Variants in PRXL2B observed in about 807,000 individuals in gnomAD.
PRXL2B encodes peroxiredoxin like 2B.
PRXL2B carries 26 observed loss-of-function variants against 24.4 expected under a neutral mutation model. The observed-to-expected ratio is 1.07, with a 90% CI of 0.78 to 1.48. The LOEUF (loss-of-function observed/expected upper bound fraction) is 1.48. PRXL2B is among the 40% of genes most tolerant of loss of function. The pLI, the probability that PRXL2B is intolerant of heterozygous loss-of-function variation, is 0.00. For missense variants in PRXL2B, 269 were observed against 264.8 expected (o/e 1.02, Z -0.11); for synonymous variants, 115 against 118.9 (o/e 0.97, Z 0.21).
intron 3 of PRXL2B, 127 bp from the exon 4 acceptor site, chr1:2,588,263 C>A (rs1483748213): frequency 2.4e-6 from 3 of 1,239,718 alleles, no homozygotes; most frequent in Non-Finnish European, 2.2e-6. Context: ...CCTGTGCCAT[C>A]TCTGAGCCCT....
chr1:2,589,345 G>C, intron 6 of PRXL2B, 65 bp from the exon 7 acceptor site: 1 of 1,594,148 alleles, frequency 6.3e-7, no homozygotes, highest in Non-Finnish European at 8.5e-7. Context: ...TTGTCCAAGG[G>C]GGCCCTCCAG....
rs930878087 is a variant in PRXL2B, at chr1:2,586,912, G to T, written c.27G>T (p.Val9=). MSTVDLAR[V]GACILKHAVT... ...TGAGCACGGTGGACCTTGCTCGCGTGGGCGCGTGCATCCTGAAGCATGCGG... is the reference window on the plus strand; with the variant it reads ...TGAGCACGGTGGACCTTGCTCGCGTTGGCGCGTGCATCCTGAAGCATGCGG... Residue 9 remains valine, a synonymous_variant, in exon 1 of 7, where the codon GTG becomes GTT. Transcript: ENST00000419916. The T allele has an allele frequency of 7.6e-7, 1 of 1,312,062 alleles. No individual in the cohort carries two copies. The allele number at this position is 1,312,062 out of a possible 1,614,324, so 81.3% of individuals were successfully genotyped here.
At position 2,587,600 on chromosome 1, in the gene PRXL2B, C is replaced by T. The variant is rs1377538113; in HGVS notation, c.269-141C>T. 2.9e-6 allele frequency: 3 copies of T among 1,025,592 alleles called. No homozygotes were observed. The African/African-American group carries it at 4.8e-5, about 16-fold the overall frequency. The allele number at this position is 1,025,592 out of a possible 1,614,324, so 63.5% of individuals were successfully genotyped here. On this transcript the variant is annotated intron_variant, in intron 2 of 6. Transcript: ENST00000419916. The surrounding 1 kb of genome is among the most constrained non-coding windows in gnomAD (Gnocchi z 6.1). ...GGACACTCAGCCCCGTTTTACCCCTCCCTGCCCTGCGGGGGTGGGCTGAGC... is the reference window on the plus strand; with the variant it reads ...GGACACTCAGCCCCGTTTTACCCCTTCCTGCCCTGCGGGGGTGGGCTGAGC...
chr1:2,589,601 C>T lies in PRXL2B; in HGVS notation c.*174C>T, dbSNP rs755007893. 2.0e-4 allele frequency: 166 copies of T among 839,282 alleles called. No homozygotes were observed. Among genetic ancestry groups the T allele is most frequent in the Non-Finnish European group, 2.9e-4 (155 of 530,546 alleles). The allele number at this position is 839,282 out of a possible 1,614,324, so 52.0% of individuals were successfully genotyped here. A position where few individuals can be genotyped will look rare whatever the true frequency, so the allele number is the denominator to read the frequency against. ...TGCAGTTCCTGACCACGCACTGCTT[C>T]GCAGGCTCCGAGCCCTGCATCCTCC... On this transcript the variant is annotated 3_prime_UTR_variant, in exon 7 of 7. Transcript: ENST00000419916.
Position 2,586,878 on chromosome 1 carries a change from C to T in PRXL2B, c.-8C>T. 7.7e-7 allele frequency: 1 copy of T among 1,293,554 alleles called. No individual in the cohort carries two copies. The highest frequency in any genetic ancestry group is 9.8e-7 in the Non-Finnish European group (1 of 1,021,500). The allele number at this position is 1,293,554 out of a possible 1,614,324, so 80.1% of individuals were successfully genotyped here. On this transcript the variant is annotated 5_prime_UTR_variant, in exon 1 of 7. Transcript: ENST00000419916. ...GGGAGCCGGGAACCAGGGCTGGCAG[C>T]GGCCGCCATGAGCACGGTGGACCTT...
At position 2,587,754 on chromosome 1, in the gene PRXL2B, T is replaced by C. The variant is rs771406134; in HGVS notation, c.282T>C (p.Asp94=). Residue 94 remains aspartate (D), a synonymous_variant, in exon 3 of 7, where the codon GAT becomes GAC. Transcript: ENST00000419916. This position sits in a 1 kb window ranked among gnomAD's most constrained non-coding sequence, Gnocchi z 6.1. ...GDYFAGELYL[D]ESKQLYKELG... ...TCCGCTTTCCAGAGCTCTACCTGGA[T>C]GAGAGCAAGCAGCTTTACAAGGAGC... The C allele has an allele frequency of 6.2e-7, 1 of 1,603,322 alleles. No homozygotes were observed. The highest frequency in any genetic ancestry group is 1.7e-5 in the Admixed American group (1 of 58,610).
Position 2,589,594 on chromosome 1 carries a change from A to T in PRXL2B, c.*167A>T. ...TTAAAACTGCAGTTCCTGACCACGCACTGCTTCGCAGGCTCCGAGCCCTGC... is the reference window on the plus strand; with the variant it reads ...TTAAAACTGCAGTTCCTGACCACGCTCTGCTTCGCAGGCTCCGAGCCCTGC... On this transcript the variant is annotated 3_prime_UTR_variant, in exon 7 of 7. Transcript: ENST00000419916. 2.2e-6 allele frequency: 2 copies of T among 892,548 alleles called. No individual in the cohort carries two copies. The highest frequency in any genetic ancestry group is 1.7e-6 in the Non-Finnish European group (1 of 573,892). 55.3% of individuals were successfully genotyped at this position (892,548 alleles called of 1,614,324 possible). A position where few individuals can be genotyped will look rare whatever the true frequency, so the allele number is the denominator to read the frequency against.
chr1:2,587,330 C>T lies in PRXL2B; in HGVS notation c.268+35C>T, dbSNP rs992113914. 4 of 1,538,868 alleles carry T rather than the reference C, an allele frequency of 2.6e-6. No homozygotes were observed. Among genetic ancestry groups the T allele is most frequent in the Middle Eastern group, 1.7e-4 (1 of 5,992 alleles). Reference sequence around the variant, plus strand: ...GTTCCCCGCCGCGGCGGCGCACATACCCTTCCCTAAGCTCAGGGCGTTCGG... The same window carrying T: ...GTTCCCCGCCGCGGCGGCGCACATATCCTTCCCTAAGCTCAGGGCGTTCGG... On this transcript the variant is annotated intron_variant, in intron 2 of 6. Coordinates refer to ENST00000419916, the MANE Select transcript of PRXL2B (RefSeq NM_152371.5). The surrounding 1 kb of genome is among the most constrained non-coding windows in gnomAD (Gnocchi z 6.1).
In PRXL2B at chr1:2,587,184, G is replaced by A. The variant is rs1557500508; in HGVS notation, c.157G>A (p.Asp53Asn). 2 of 1,562,294 alleles carry A rather than the reference G, an allele frequency of 1.3e-6. No individual in the cohort carries two copies. The highest frequency in any genetic ancestry group is 1.7e-6 in the Non-Finnish European group (2 of 1,160,952). Residue 53 changes from aspartate to asparagine, a missense_variant, in exon 2 of 7, where the codon GAC becomes AAC. Transcript: ENST00000419916. The surrounding 1 kb of genome is among the most constrained non-coding windows in gnomAD (Gnocchi z 6.1). Reference protein sequence around the residue: ...GCVVCRWIAQDLSSLAGLLDQ... With the variant: ...GCVVCRWIAQNLSSLAGLLDQ... ...CGTGGTGTGCCGCTGGATCGCCCAG[G>A]ACCTCAGCAGCCTTGCTGGGCTCCT... is the stretch of plus-strand genomic sequence containing the variant.
In PRXL2B at chr1:2,587,240, A is replaced by G. The variant is rs754625704; in HGVS notation, c.213A>G (p.Val71=). ...LDQHGVRLVG[V]GPEALGLQEF... ...AACACGGCGTGCGCCTGGTGGGCGT[A>G]GGGCCCGAGGCCCTGGGTCTGCAGG... The change falls in exon 2 of 7, where the codon GTA becomes GTG. Residue 71 remains valine (V), a synonymous_variant. Transcript: ENST00000419916. This position sits in a 1 kb window ranked among gnomAD's most constrained non-coding sequence, Gnocchi z 6.1. 8.6e-5 allele frequency: 135 copies of G among 1,577,180 alleles called. 1 individual carries two copies. Among genetic ancestry groups the G allele is most frequent in the Non-Finnish European group, 1.1e-4 (130 of 1,167,942 alleles).
chr1:2,586,796 A>C lies in PRXL2B; in HGVS notation c.-90A>C. 4 of 1,258,716 alleles carry C rather than the reference A, an allele frequency of 3.2e-6. No individual in the cohort carries two copies. Among genetic ancestry groups the C allele is most frequent in the South Asian group, 3.4e-5 (1 of 28,988 alleles). 78.0% of individuals were successfully genotyped at this position (1,258,716 alleles called of 1,614,324 possible). ...CGGGGCGGGGCTTGGGGCTGGATCTATGAGCCGGGAGCGGGGATCCAGGAG... is the reference window on the plus strand; with the variant it reads ...CGGGGCGGGGCTTGGGGCTGGATCTCTGAGCCGGGAGCGGGGATCCAGGAG... On this transcript the variant is annotated 5_prime_UTR_variant, in exon 1 of 7. An upstream start codon of the reference 5' UTR is lost. Transcript: ENST00000419916.
At position 2,591,000 on chromosome 1, in the gene PRXL2B, C is replaced by G. The variant is rs564401130; in HGVS notation, c.*1573C>G. Reference sequence around the variant, plus strand: ...GCGGCAGGGCCTTGGCTACCACACGCGGCATCGCTCCTTGGGGTGCATGGG... The same window carrying G: ...GCGGCAGGGCCTTGGCTACCACACGGGGCATCGCTCCTTGGGGTGCATGGG... On this transcript the variant is annotated 3_prime_UTR_variant, in exon 7 of 7. Transcript: ENST00000419916. 1 of 1,590,982 alleles carries G rather than the reference C, an allele frequency of 6.3e-7. No homozygotes were observed. The highest frequency in any genetic ancestry group is 8.5e-7 in the Non-Finnish European group (1 of 1,170,698).
chr1:2,591,171 C>T lies in PRXL2B; in HGVS notation c.*1744C>T. The T allele has an allele frequency of 1.1e-6, 1 of 925,240 alleles. No homozygotes were observed. The highest frequency in any genetic ancestry group is 1.6e-6 in the Non-Finnish European group (1 of 627,982). 57.3% of individuals were successfully genotyped at this position (925,240 alleles called of 1,614,324 possible). On this transcript the variant is annotated 3_prime_UTR_variant, in exon 7 of 7. Coordinates refer to ENST00000419916, the MANE Select transcript of PRXL2B (RefSeq NM_152371.5). ...TTTTAAGTTCTCCGTGATTAAAAACCAGCCCAAAACATCAGCCTAATGGCT... is the reference window on the plus strand; with the variant it reads ...TTTTAAGTTCTCCGTGATTAAAAACTAGCCCAAAACATCAGCCTAATGGCT...
upstream of PRXL2B, chr1:2,586,703 C>T: frequency 9.8e-6 from 12 of 1,229,524 alleles, no homozygotes; most frequent in Non-Finnish European, 1.2e-5. Context: ...GGGGGCGGGC[C>T]CGGGGCGGAG....
rs1570633488 is a variant in PRXL2B at position 2,590,822 on chromosome 1, G to A, written c.*1395G>A. On this transcript the variant is annotated 3_prime_UTR_variant, in exon 7 of 7. Coordinates refer to ENST00000419916, the MANE Select transcript of PRXL2B (RefSeq NM_152371.5). ...CTGCACTGGACACTGCTCATCCCTG[G>A]GTGTCAGGCAGGTGGCTGCACCCTA... The A allele has an allele frequency of 6.3e-6, 3 of 474,424 alleles. No homozygotes were observed. Among genetic ancestry groups the A allele is most frequent in the Non-Finnish European group, 1.1e-5 (3 of 274,858 alleles). The allele number at this position is 474,424 out of a possible 1,614,324, so 29.4% of individuals were successfully genotyped here.
intron 6 of PRXL2B, among the ~76,000 whole-genome samples, 158 bp downstream of exon 6, chr1:2,589,198 A>G (rs1644613272): frequency 6.6e-6 from 1 of 152,020 alleles, no homozygotes; most frequent in African/African-American, 2.4e-5. Context: ...CCACTTGCAG[A>G]GTGGGGCAGG....
chr1:2,589,451 G>A lies in PRXL2B; in HGVS notation c.*24G>A, dbSNP rs1251563157. The A allele has an allele frequency of 3.7e-6, 6 of 1,613,774 alleles. No homozygotes were observed. Among genetic ancestry groups the A allele is most frequent in the East Asian group, 2.2e-5 (1 of 44,876 alleles). On this transcript the variant is annotated 3_prime_UTR_variant, in exon 7 of 7. Coordinates refer to ENST00000419916, the MANE Select transcript of PRXL2B (RefSeq NM_152371.5). ...GAGGGAGGCGAAGGCCCTGGCCTCC[G>A]AGGATCTGGGTGGCGTCTGCTGCCC...
At chr1:2,589,178 C>T in intron 6 of PRXL2B, 138 bp downstream of exon 6, 1 of 999,244 alleles carries the variant, frequency 1.0e-6, no homozygotes, top group East Asian at 2.5e-5. Flanking sequence ...ATATGGATGC[C>T]ACTGTGACCC....
In PRXL2B at chr1:2,588,567, C is replaced by G; in HGVS notation, c.402C>G (p.Ile134Met). ...DVAAKAKAVG[I>M]QGNLSGDLLQ... is the part of the protein sequence containing the mutation. ...CCTGACAGGCCAAGGCTGTTGGCAT[C>G]CAGGGGAACTTGTCTGGGGACCTGC... The change falls in exon 5 of 7, where the codon ATC becomes ATG. Residue 134 changes from isoleucine to methionine, a missense_variant. Transcript: ENST00000419916. 1 of 1,614,122 alleles carries G rather than the reference C, an allele frequency of 6.2e-7. No individual in the cohort carries two copies. Among genetic ancestry groups the G allele is most frequent in the Middle Eastern group, 1.6e-4 (1 of 6,062 alleles).
Sources: allele counts gnomAD v4.1 joint callset (sites outside exome capture counted in the v4.1 genomes callset), GRCh38; gene constraint gnomAD v4.1.1; non-coding constraint Gnocchi (gnomAD v3.1); transcripts MANE v1.5; gene names NCBI Gene and HGNC (gene_info 2026-07-23, HGNC 2026-07-21).